The following HMG20A variants were observed in gnomAD, a reference collection of about 807,000 sequenced individuals.
The protein encoded by HMG20A is high mobility group 20A, also known as high mobility group protein 20A.
HMG20A carries 17 observed loss-of-function variants against 43.9 expected under a neutral mutation model. That is an observed-to-expected ratio of 0.39 (90% CI 0.27 to 0.58). HMG20A has a LOEUF of 0.58. Among genes scored for constraint, HMG20A ranks in the 20% least tolerant of loss-of-function variants. HMG20A has a pLI of 0.59. For synonymous variants in HMG20A, 132 were observed against 147.5 expected (o/e 0.89, Z 0.76); for missense variants, 341 against 438.2 (o/e 0.78, Z 1.98).
chr15:77,466,322 G>A lies in HMG20A; in HGVS notation c.238-773G>A, dbSNP rs143006755. Among the ~76,000 whole-genome samples, 905 of 152,124 alleles carry A rather than the reference G, an allele frequency of 5.9e-3. 13 individuals are homozygous for A. The highest frequency in any genetic ancestry group is 0.02 in the African/African-American group (834 of 41,496). ...CTTGAACCTGGGAGGCGGAGGTTGC[G>A]GTGAGCCGAGATAGCGCCATTGCAC... On this transcript the variant is annotated intron_variant, in intron 3 of 9. Transcript: ENST00000336216.
chr15:77,490,178 C>T (rs1226270692), downstream of HMG20A, among the ~76,000 whole-genome samples: 1 of 152,186 alleles, frequency 6.6e-6, no homozygotes, highest in Non-Finnish European at 1.5e-5. Flanking sequence ...ATCCCAGCTA[C>T]TCAGGAGTCT....
chr15:77,493,724 T>C, the HMG20A span, among the ~76,000 whole-genome samples: 7 of 152,070 alleles, frequency 4.6e-5, no homozygotes, highest in Non-Finnish European at 7.4e-5. Flanking sequence ...AGGAACAAGA[T>C]GAGTGACGGA....
At chr15:77,506,597 G>T in the HMG20A span, among the ~76,000 whole-genome samples, 1 of 152,296 alleles carries the variant, frequency 6.6e-6, no homozygotes, top group African/African-American at 2.4e-5. Flanking sequence ...CCCAAAGTGG[G>T]GGTTCTGGGA....
chr15:77,428,387 G>A (rs927351525), intron 1 of HMG20A, among the ~76,000 whole-genome samples: 4 of 152,274 alleles, frequency 2.6e-5, no homozygotes, highest in African/African-American at 9.6e-5. Flanking sequence ...ACAAAGTAAA[G>A]TAACCTTTTA....
intron 3 of HMG20A, among the ~76,000 whole-genome samples, chr15:77,465,260 CAAAAAAAAA>C (rs71145837): frequency 8.4e-5 from 5 of 59,188 alleles, no homozygotes; most frequent in Admixed American, 2.3e-4. Context: ...GACTTCGTCT[CAAAAAAAAA>C]AAAAAAAAAA....
chr15:77,443,882 T>C (rs1402625893), intron 1 of HMG20A, among the ~76,000 whole-genome samples: 1 of 151,970 alleles, frequency 6.6e-6, no homozygotes, highest in South Asian at 2.1e-4. Flanking sequence ...AGATAATTTT[T>C]GTATTTTTGG....
intron 4 of HMG20A, among the ~76,000 whole-genome samples, chr15:77,468,409 A>T (rs1438559503): frequency 3.3e-5 from 5 of 152,284 alleles, no homozygotes; most frequent in Admixed American, 2.6e-4. Flanking sequence ...TTTTTTGGAA[A>T]TAATTTCAAA....
At chr15:77,479,563 C>T in intron 9 of HMG20A, 2 of 380,770 alleles carry the variant, frequency 5.3e-6, no homozygotes, top group South Asian at 8.6e-5. Context: ...AGTTCAAGTC[C>T]AGAGAGATCC....
the HMG20A span, among the ~76,000 whole-genome samples, chr15:77,507,046 AT>A: frequency 6.6e-6 from 1 of 152,322 alleles, no homozygotes; most frequent in East Asian, 1.9e-4. Flanking sequence ...GCTCCATCCA[AT>A]CAGTTGAAGG....
intron 1 of HMG20A, among the ~76,000 whole-genome samples, chr15:77,444,592 A>C (rs1011050055): frequency 6.6e-6 from 1 of 152,208 alleles, no homozygotes; most frequent in African/African-American, 2.4e-5. Flanking sequence ...GTTCTGAATT[A>C]CTATGGTAGG....
chr15:77,480,092 A>C (rs1402243927), intron 9 of HMG20A, among the ~76,000 whole-genome samples: 1 of 151,856 alleles, frequency 6.6e-6, no homozygotes, highest in Non-Finnish European at 1.5e-5. Context: ...CAGGTTCAAG[A>C]CCAGTCTGGG....
chr15:77,506,073 CAAAAAAA>C, the HMG20A span, among the ~76,000 whole-genome samples: 1 of 69,728 alleles, frequency 1.4e-5, no homozygotes, highest in South Asian at 5.0e-4. Flanking sequence ...GTAGAGTTAG[CAAAAAAA>C]AAAAAAAAAA....
At chr15:77,446,610 A>G (rs2073676955) in intron 1 of HMG20A, among the ~76,000 whole-genome samples, 2 of 152,156 alleles carry the variant, frequency 1.3e-5, no homozygotes, top group African/African-American at 2.4e-5. Context: ...GATCGAGACC[A>G]TCCTGGCTAA....
In HMG20A at chr15:77,460,769, T is replaced by G. The variant is rs569270050; in HGVS notation, c.89+2273T>G. On this transcript the variant is annotated intron_variant, in intron 2 of 9. Transcript: ENST00000336216. Reference sequence around the variant, plus strand: ...GGTAGACTGAGGTGGGTGGATCACTTGAGGTCAGGAGTTCAAGACCAGCCT... The same window carrying G: ...GGTAGACTGAGGTGGGTGGATCACTGGAGGTCAGGAGTTCAAGACCAGCCT... Among the ~76,000 whole-genome samples the G allele has an allele frequency of 7.2e-5, 11 of 152,238 alleles. No individual in the cohort carries two copies. The South Asian group carries it at 2.1e-3, about 29-fold the overall frequency.
the HMG20A span, among the ~76,000 whole-genome samples, chr15:77,505,879 T>G: frequency 6.6e-6 from 1 of 152,320 alleles, no homozygotes; most frequent in East Asian, 1.9e-4. Flanking sequence ...CACTCTCTTC[T>G]TGAACAGACC....
At chr15:77,513,452 A>G in the HMG20A span, among the ~76,000 whole-genome samples, 1 of 152,192 alleles carries the variant, frequency 6.6e-6, no homozygotes, top group East Asian at 1.9e-4. Context: ...ATTAGAAACT[A>G]CCTGCATCAG....
At chr15:77,495,286 G>GC in the HMG20A span, among the ~76,000 whole-genome samples, 1 of 152,194 alleles carries the variant, frequency 6.6e-6, no homozygotes, top group African/African-American at 2.4e-5. Flanking sequence ...GGTGGCTCAC[G>GC]CCTGAAATCC....
downstream of HMG20A, among the ~76,000 whole-genome samples, chr15:77,486,612 C>A (rs1306851161): frequency 1.3e-5 from 2 of 152,132 alleles, no homozygotes; most frequent in Non-Finnish European, 2.9e-5. Context: ...GGAAATTTGT[C>A]ACCTATTTCT....
chr15:77,469,865 A>T (rs1365873797), intron 4 of HMG20A, among the ~76,000 whole-genome samples: 1 of 152,146 alleles, frequency 6.6e-6, no homozygotes, highest in Non-Finnish European at 1.5e-5. Context: ...ATGGGGTTTC[A>T]GCATGTTGAC....
Sources: gnomAD v4.1 joint callset for allele counts (sites outside exome capture counted in the v4.1 genomes callset) on GRCh38, gnomAD v4.1.1 for gene constraint, MANE v1.5 for transcripts, NCBI Gene and HGNC (gene_info 2026-07-23, HGNC 2026-07-21) for gene names.